The following CDH13 variants were observed in gnomAD, a reference collection of about 807,000 sequenced individuals.
CDH13 encodes the protein cadherin 13.
Under a neutral mutation model 63.8 loss-of-function variants are expected in CDH13, and 24 were observed. That is an observed-to-expected ratio of 0.38 (90% CI 0.27 to 0.53). The LOEUF (loss-of-function observed/expected upper bound fraction) is 0.53. Ranked by LOEUF, CDH13 falls within the 20% of genes least tolerant of loss-of-function variation. The pLI, the probability that CDH13 is intolerant of heterozygous loss-of-function variation, is 0.85. For missense variants in CDH13, 1,049 were observed against 903.1 expected (o/e 1.16, Z -2.07); for synonymous variants, 503 against 355.3 (o/e 1.42, Z -4.67).
intron 2 of CDH13, among the ~76,000 whole-genome samples, chr16:82,972,818 T>A (rs1490273506): frequency 6.6e-6 from 1 of 152,122 alleles, no homozygotes; most frequent in Non-Finnish European, 1.5e-5. Flanking sequence ...TTAGCTGAAA[T>A]CTGTACAAAA....
intron 8 of CDH13, among the ~76,000 whole-genome samples, chr16:83,658,485 G>A (rs75332054): frequency 6.3e-3 from 391 of 62,006 alleles, no homozygotes; most frequent in Middle Eastern, 0.019. Context: ...ACCAGGTCCC[G>A]TATCCTCACC....
intron 7 of CDH13, among the ~76,000 whole-genome samples, chr16:83,497,280 G>T (rs2074168012): frequency 6.6e-6 from 1 of 151,972 alleles, no homozygotes; most frequent in Non-Finnish European, 1.5e-5. Context: ...AACAATGATA[G>T]ACTGGATTAA....
intron 4 of CDH13, among the ~76,000 whole-genome samples, chr16:83,152,684 C>A (rs1196097293): frequency 6.6e-6 from 1 of 152,178 alleles, no homozygotes; most frequent in Admixed American, 6.5e-5. Context: ...CTGTTTTGGA[C>A]AAACACGCTA....
chr16:82,975,283 G>T (rs552356351), intron 2 of CDH13, among the ~76,000 whole-genome samples: 2 of 152,306 alleles, frequency 1.3e-5, no homozygotes, highest in East Asian at 3.9e-4. Context: ...TACATGGAGA[G>T]TAAGTGGAGA....
intron 6 of CDH13, among the ~76,000 whole-genome samples, chr16:83,367,692 G>C (rs888267426): frequency 6.6e-6 from 1 of 152,194 alleles, no homozygotes; most frequent in South Asian, 2.1e-4. Flanking sequence ...CTTGCTAGGT[G>C]TAAAGGAGTA....
intron 11 of CDH13, among the ~76,000 whole-genome samples, chr16:83,765,832 T>C (rs1440613654): frequency 2.6e-5 from 4 of 152,090 alleles, no homozygotes; most frequent in South Asian, 4.1e-4. Flanking sequence ...TGCAGGTTTG[T>C]TACCTGGCTC....
intron 4 of CDH13, among the ~76,000 whole-genome samples, chr16:83,191,294 C>A (rs1174846471): frequency 6.8e-6 from 1 of 146,312 alleles, no homozygotes; most frequent in Non-Finnish European, 1.5e-5. Flanking sequence ...TCTAGGCCAC[C>A]TCTACTGCAT....
chr16:83,127,227 C>T (rs34767448), intron 4 of CDH13, among the ~76,000 whole-genome samples: 11,265 of 152,138 alleles, frequency 0.074, 657 homozygotes, highest in South Asian at 0.16. Context: ...GGCCAGCCTG[C>T]CCTTGGATGA....
At chr16:82,866,261 C>A (rs747623424) in intron 2 of CDH13, among the ~76,000 whole-genome samples, 2 of 152,084 alleles carry the variant, frequency 1.3e-5, no homozygotes, top group African/African-American at 2.4e-5. Context: ...GTTCCAGCCC[C>A]TGCCTGTTAC....
chr16:83,351,266 G>A (rs1176372439), intron 6 of CDH13, among the ~76,000 whole-genome samples: 1 of 144,110 alleles, frequency 6.9e-6, no homozygotes, highest in Non-Finnish European at 1.5e-5. Context: ...GGAATATCAG[G>A]CATGTGGCTA....
chr16:82,852,094 GA>G (rs1392453352), intron 1 of CDH13, among the ~76,000 whole-genome samples: 1 of 152,222 alleles, frequency 6.6e-6, no homozygotes, highest in African/African-American at 2.4e-5. Context: ...GATGGAACCT[GA>G]GAGTGTTCTC....
intron 3 of CDH13, among the ~76,000 whole-genome samples, chr16:83,054,040 A>C (rs1220010808): frequency 6.6e-6 from 1 of 152,204 alleles, no homozygotes; most frequent in Non-Finnish European, 1.5e-5. Context: ...TTGTGTTACA[A>C]CTGCATACAG....
chr16:82,878,034 T>C (rs1597877687), intron 2 of CDH13, among the ~76,000 whole-genome samples: 2 of 151,174 alleles, frequency 1.3e-5, no homozygotes, highest in South Asian at 2.1e-4. Context: ...TAAGATATAG[T>C]AAAATGTTTG....
At chr16:83,122,184 C>T (rs996677693) in intron 3 of CDH13, among the ~76,000 whole-genome samples, 1 of 152,178 alleles carries the variant, frequency 6.6e-6, no homozygotes, top group Non-Finnish European at 1.5e-5. Flanking sequence ...ATCTTTCAGT[C>T]CTCTGATCAG....
intron 1 of CDH13, among the ~76,000 whole-genome samples, chr16:82,856,596 G>T (rs2039705603): frequency 6.8e-6 from 1 of 146,718 alleles, no homozygotes; most frequent in Non-Finnish European, 1.5e-5. Context: ...CAGCTACTTG[G>T]GAGGCTGAGG....
chr16:83,491,361 GC>G (rs1303719093), intron 7 of CDH13, among the ~76,000 whole-genome samples: 1 of 152,076 alleles, frequency 6.6e-6, no homozygotes, highest in African/African-American at 2.4e-5. Context: ...GCCATACTTA[GC>G]CCCCCATTTC....
At chr16:83,739,824 T>G (rs185500646) in intron 10 of CDH13, 57 of 152,272 alleles carry the variant, frequency 3.7e-4, no homozygotes, top group Middle Eastern at 3.4e-3. Flanking sequence ...AACAACTGAG[T>G]ACCTACCCAC....
At chr16:82,712,892 G>A (rs976013795) in intron 1 of CDH13, among the ~76,000 whole-genome samples, 4 of 152,020 alleles carry the variant, frequency 2.6e-5, no homozygotes, top group African/African-American at 9.7e-5. Flanking sequence ...CTCATTTTCA[G>A]CTTCATGTGG....
intron 5 of CDH13, among the ~76,000 whole-genome samples, chr16:83,285,753 G>C (rs2089295261): frequency 6.6e-6 from 1 of 152,068 alleles, no homozygotes; most frequent in African/African-American, 2.4e-5. Flanking sequence ...AATATCTGCG[G>C]GTACCAAGGG....
Sources: allele counts gnomAD v4.1 joint callset (sites outside exome capture counted in the v4.1 genomes callset), GRCh38; gene constraint gnomAD v4.1.1; transcripts MANE v1.5; gene names NCBI Gene and HGNC (gene_info 2026-07-23, HGNC 2026-07-21).